Variants in NPAS3 observed in about 807,000 individuals in gnomAD.
The protein encoded by NPAS3 is neuronal PAS domain protein 3.
Under a neutral mutation model 73.1 loss-of-function variants are expected in NPAS3, and 14 were observed. That is an observed-to-expected ratio of 0.19 (90% CI 0.13 to 0.30). The LOEUF is 0.30. Ranked by LOEUF, NPAS3 falls within the 10% of genes least tolerant of loss-of-function variation. The pLI is 1.00. For missense variants in NPAS3, 1,096 were observed against 1,250.0 expected (o/e 0.88, Z 1.86); for synonymous variants, 620 against 541.5 (o/e 1.14, Z -2.01).
intron 2 of NPAS3, among the ~76,000 whole-genome samples, chr14:33,198,231 TCCACAGCATGGAAGGGGA>T (rs1566666344): frequency 6.6e-6 from 1 of 152,166 alleles, no homozygotes; most frequent in Admixed American, 6.5e-5. Flanking sequence ...GAACAAAGCT[TCCACAGCATGGAAGGGGA>T]CCCAAGCAGT....
intron 6 of NPAS3, among the ~76,000 whole-genome samples, chr14:33,689,845 G>C (rs1489460574): frequency 6.6e-6 from 1 of 152,110 alleles, no homozygotes; most frequent in Non-Finnish European, 1.5e-5. Context: ...AGCACACCAA[G>C]ATACACCTGC....
chr14:32,948,587 C>T (rs769951402), intron 1 of NPAS3, among the ~76,000 whole-genome samples: 3 of 152,018 alleles, frequency 2.0e-5, no homozygotes, highest in Admixed American at 6.6e-5. Flanking sequence ...TAGTTTTTGC[C>T]TCTCTCCTGT....
intron 3 of NPAS3, among the ~76,000 whole-genome samples, chr14:33,302,782 G>A (rs1257676938): frequency 6.6e-6 from 1 of 152,140 alleles, no homozygotes; most frequent in African/African-American, 2.4e-5. Context: ...TCTGTGGTTA[G>A]AAGGAAATAT....
At chr14:33,799,611 G>A in intron 11 of NPAS3, 123 bp from the exon 12 acceptor site, 1 of 949,714 alleles carries the variant, frequency 1.1e-6, no homozygotes, top group Non-Finnish European at 1.6e-6. Flanking sequence ...TGATGAGGAC[G>A]GACACTTGCC....
At chr14:33,159,720 A>AT (rs1436790788) in intron 2 of NPAS3, among the ~76,000 whole-genome samples, 1 of 151,780 alleles carries the variant, frequency 6.6e-6, no homozygotes, top group Non-Finnish European at 1.5e-5. Context: ...TGCCCGGCTT[A>AT]TTTTTTGTAT....
chr14:33,532,673 G>A (rs751979102), intron 4 of NPAS3, among the ~76,000 whole-genome samples: 4 of 152,092 alleles, frequency 2.6e-5, no homozygotes, highest in Non-Finnish European at 5.9e-5. Context: ...TTGCATATAA[G>A]CTGTAAGTCG....
At chr14:33,135,566 C>CA (rs966159920) in intron 2 of NPAS3, among the ~76,000 whole-genome samples, 2 of 151,898 alleles carry the variant, frequency 1.3e-5, no homozygotes, top group South Asian at 2.1e-4. Flanking sequence ...TATAATAAGT[C>CA]AAAAAAGCTG....
chr14:33,686,872 C>T (rs919020280), intron 6 of NPAS3, among the ~76,000 whole-genome samples: 4 of 152,130 alleles, frequency 2.6e-5, no homozygotes, highest in African/African-American at 9.7e-5. Context: ...TTCCCTATAA[C>T]ATAGGAAACT....
chr14:33,444,026 T>A (rs1229340675), intron 4 of NPAS3, among the ~76,000 whole-genome samples: 3 of 152,242 alleles, frequency 2.0e-5, no homozygotes, highest in African/African-American at 7.2e-5. Context: ...CTATTTAATT[T>A]GGTACATTTG....
chr14:33,033,305 C>T (rs1595282292), intron 1 of NPAS3, among the ~76,000 whole-genome samples: 1 of 152,068 alleles, frequency 6.6e-6, no homozygotes, highest in East Asian at 1.9e-4. Context: ...ATGGTGAAAC[C>T]TTGTCTCTAC....
intron 6 of NPAS3, among the ~76,000 whole-genome samples, chr14:33,687,673 G>A (rs1182092253): frequency 2.6e-5 from 4 of 152,110 alleles, no homozygotes; most frequent in Non-Finnish European, 5.9e-5. Context: ...TTCACAGAAC[G>A]GGAAATTTTA....
intron 9 of NPAS3, among the ~76,000 whole-genome samples, chr14:33,784,741 A>ATTTATTTTTTTTTTTTATT: frequency 1.4e-5 from 1 of 72,778 alleles, no homozygotes; most frequent in African/African-American, 6.9e-5. Flanking sequence ...TTATTTATTT[A>ATTTATTTTTTTTTTTTATT]TTTATTTTTT....
intron 1 of NPAS3, among the ~76,000 whole-genome samples, chr14:32,950,027 T>C (rs75069348): frequency 0.04 from 6,047 of 152,116 alleles, 173 homozygotes; most frequent in African/African-American, 0.08. Flanking sequence ...TAAGAATTAG[T>C]GTGGCAAAGA....
intron 3 of NPAS3, among the ~76,000 whole-genome samples, chr14:33,334,548 T>C (rs2044128415): frequency 6.6e-6 from 1 of 152,190 alleles, no homozygotes; most frequent in South Asian, 2.1e-4. Flanking sequence ...AGTTATTTTA[T>C]ATGTCTGCAT....
intron 3 of NPAS3, among the ~76,000 whole-genome samples, chr14:33,261,713 A>ACAT (rs1188348847): frequency 6.6e-6 from 1 of 152,188 alleles, no homozygotes; most frequent in Non-Finnish European, 1.5e-5. Flanking sequence ...TTTATGTGTC[A>ACAT]AAGTAATTTT....
chr14:33,759,550 G>T (rs970452615), intron 7 of NPAS3, among the ~76,000 whole-genome samples: 2 of 152,150 alleles, frequency 1.3e-5, no homozygotes, highest in African/African-American at 4.8e-5. Flanking sequence ...AAGGTGACCT[G>T]GAATACATGG....
At chr14:33,599,097 A>T (rs2057327979) in intron 5 of NPAS3, among the ~76,000 whole-genome samples, 1 of 152,144 alleles carries the variant, frequency 6.6e-6, no homozygotes, top group Admixed American at 6.5e-5. Context: ...AAGCTATGGG[A>T]AGAATCAACC....
At chr14:33,271,955 T>C (rs1214335592) in intron 3 of NPAS3, among the ~76,000 whole-genome samples, 1 of 152,204 alleles carries the variant, frequency 6.6e-6, no homozygotes, top group Non-Finnish European at 1.5e-5. Flanking sequence ...ACTATGATAT[T>C]GTTCTGTTTT....
intron 7 of NPAS3, among the ~76,000 whole-genome samples, chr14:33,747,583 T>A (rs979395748): frequency 2.0e-5 from 3 of 152,222 alleles, no homozygotes; most frequent in Admixed American, 2.0e-4. Context: ...AAATTCTCAA[T>A]CATCTGTAGT....
Sources: allele counts gnomAD v4.1 joint callset (sites outside exome capture counted in the v4.1 genomes callset), GRCh38; gene constraint gnomAD v4.1.1; transcripts MANE v1.5; gene names NCBI Gene and HGNC (gene_info 2026-07-23, HGNC 2026-07-21).